ZCCHC7: variants seen among roughly 807,000 people sequenced by gnomAD.
ZCCHC7 encodes zinc finger CCHC domain-containing protein 7.
In ZCCHC7, 35 loss-of-function variants were observed where a neutral mutation model predicts 52.0. The observed-to-expected ratio is 0.67, with a 90% CI of 0.51 to 0.89. ZCCHC7 has a LOEUF of 0.89. Ranked by LOEUF, ZCCHC7 falls within the 40% of genes least tolerant of loss-of-function variation. The pLI is 0.00. For missense variants in ZCCHC7, 574 were observed against 649.1 expected (o/e 0.88, Z 1.26); for synonymous variants, 217 against 221.5 (o/e 0.98, Z 0.18).
At chr9:37,257,984 G>T (rs1826670641) in intron 2 of ZCCHC7, among the ~76,000 whole-genome samples, 1 of 152,250 alleles carries the variant, frequency 6.6e-6, no homozygotes, top group East Asian at 1.9e-4. Flanking sequence ...GGTATAGCTG[G>T]TCCTAAAATT....
At chr9:37,218,465 CT>C (rs946590631) in intron 2 of ZCCHC7, among the ~76,000 whole-genome samples, 15 of 152,156 alleles carry the variant, frequency 9.9e-5, no homozygotes, top group African/African-American at 3.4e-4. Context: ...TCATTCCCCC[CT>C]GTGTTTATTT....
rs753692695 is a variant in ZCCHC7 at position 37,305,708 on chromosome 9, T to C, written c.945T>C (p.Tyr315=). The change falls in exon 5 of 9, where the codon TAT becomes TAC. Residue 315 remains tyrosine, a synonymous_variant. Transcript: ENST00000336755. The part of the protein sequence containing the change: ...QCDRCHMLGH[Y]TDACTEIWRQ... The stretch of plus-strand genomic sequence containing the variant: ...ACCGATGTCATATGCTAGGCCACTA[T>C]ACAGATGTGAGTATCCTGCATATAA... The C allele has an allele frequency of 6.2e-7, 1 of 1,614,084 alleles. No homozygotes were observed. The highest frequency in any genetic ancestry group is 1.1e-5 in the South Asian group (1 of 91,080).
intron 2 of ZCCHC7, among the ~76,000 whole-genome samples, chr9:37,172,520 TA>T (rs547159433): frequency 0.011 from 1,633 of 152,346 alleles, 23 homozygotes; most frequent in Non-Finnish European, 0.019. Flanking sequence ...CATTTCTTCT[TA>T]AAAATTTGAA....
chr9:37,229,233 A>T (rs1825278902), intron 2 of ZCCHC7, among the ~76,000 whole-genome samples: 1 of 152,238 alleles, frequency 6.6e-6, no homozygotes, highest in Admixed American at 6.5e-5. Flanking sequence ...ACAGGGGAGT[A>T]GTTAATTCAG....
intron 2 of ZCCHC7, among the ~76,000 whole-genome samples, chr9:37,297,540 G>A (rs1828843488): frequency 6.6e-6 from 1 of 152,058 alleles, no homozygotes; most frequent in Admixed American, 6.5e-5. Context: ...CCTACCTTTT[G>A]GTGAAATATA....
In ZCCHC7 at chr9:37,349,338, A is replaced by T; in HGVS notation, c.988-19A>T. On this transcript the variant is annotated intron_variant, in intron 6 of 8. Transcript: ENST00000336755. ...TTTCTTCTAACATCAACAAACCCTCACAAATATTCATGTTGCAGACCAAAC... is the reference window on the plus strand; with the variant it reads ...TTTCTTCTAACATCAACAAACCCTCTCAAATATTCATGTTGCAGACCAAAC... The T allele has an allele frequency of 6.2e-7, 1 of 1,611,898 alleles. No individual in the cohort carries two copies. Among genetic ancestry groups the T allele is most frequent in the Non-Finnish European group, 8.5e-7 (1 of 1,178,810 alleles).
At chr9:37,267,783 A>G (rs1827187493) in intron 2 of ZCCHC7, among the ~76,000 whole-genome samples, 1 of 151,688 alleles carries the variant, frequency 6.6e-6, no homozygotes, top group South Asian at 2.1e-4. Context: ...GTTAGCCAGG[A>G]TGGTCTCGAT....
intron 2 of ZCCHC7, among the ~76,000 whole-genome samples, chr9:37,146,255 G>GA: frequency 6.6e-6 from 1 of 151,942 alleles, no homozygotes; most frequent in South Asian, 2.1e-4. Context: ...CAATAGTTAT[G>GA]AAGCTTACAG....
At chr9:37,185,884 A>AT (rs1271455177) in intron 2 of ZCCHC7, among the ~76,000 whole-genome samples, 1 of 152,158 alleles carries the variant, frequency 6.6e-6, no homozygotes, top group Admixed American at 6.5e-5. Flanking sequence ...AGGGGACACT[A>AT]TTTGATGCAC....
chr9:37,207,311 G>C (rs1192069338), intron 2 of ZCCHC7, among the ~76,000 whole-genome samples: 1 of 151,814 alleles, frequency 6.6e-6, no homozygotes, highest in East Asian at 1.9e-4. Context: ...CTGTGTTCTG[G>C]CATTTATTAT....
chr9:37,233,598 A>T (rs749891717), intron 2 of ZCCHC7, among the ~76,000 whole-genome samples: 6 of 152,122 alleles, frequency 3.9e-5, no homozygotes, highest in Non-Finnish European at 8.8e-5. Flanking sequence ...ATCTTTCCTC[A>T]CCTTGTTTAG....
In ZCCHC7 at chr9:37,304,427, G is replaced by A. The variant is rs1829202081; in HGVS notation, c.780+114G>A. 3.9e-6 allele frequency: 5 copies of A among 1,288,462 alleles called. No homozygotes were observed. In the South Asian group the frequency reaches 7.1e-5, roughly 18 times the overall value. 79.8% of individuals were successfully genotyped at this position (1,288,462 alleles called of 1,614,324 possible). A position where few individuals can be genotyped will look rare whatever the true frequency, so the allele number is the denominator to read the frequency against. On this transcript the variant is annotated intron_variant, in intron 4 of 8. Transcript: ENST00000336755. Reference sequence around the variant, plus strand: ...CCAGCACTTTGGGAAGCCGAGGCAGGTGGATCATGAGGTCAGGAGATTGAG... The same window carrying A: ...CCAGCACTTTGGGAAGCCGAGGCAGATGGATCATGAGGTCAGGAGATTGAG...
At chr9:37,303,655 C>CTTTTTTTTTTTTTTTTTTTTTT (rs74182940) in intron 3 of ZCCHC7, among the ~76,000 whole-genome samples, 1 of 56,750 alleles carries the variant, frequency 1.8e-5, no homozygotes, top group Non-Finnish European at 3.0e-5. Context: ...TTTTCTACCT[C>CTTTTTTTTTTTTTTTTTTTTTT]TTTTTTTTTT....
At chr9:37,266,949 A>C (rs1400291174) in intron 2 of ZCCHC7, among the ~76,000 whole-genome samples, 1 of 152,230 alleles carries the variant, frequency 6.6e-6, no homozygotes, top group Non-Finnish European at 1.5e-5. Context: ...TTTCCCATGC[A>C]TACTGAATTT....
intron 2 of ZCCHC7, among the ~76,000 whole-genome samples, chr9:37,222,342 T>A (rs1391882922): frequency 6.8e-6 from 1 of 147,998 alleles, no homozygotes; most frequent in African/African-American, 2.5e-5. Flanking sequence ...TGTGTGTGTG[T>A]GTGTGTGTGT....
intron 2 of ZCCHC7, among the ~76,000 whole-genome samples, chr9:37,275,304 AT>A (rs1163448922): frequency 7.9e-6 from 1 of 127,362 alleles, no homozygotes; most frequent in East Asian, 2.3e-4. Context: ...CCTAATCTAT[AT>A]TGTCTAGTTT....
At chr9:37,316,545 G>A (rs534661049) in intron 5 of ZCCHC7, among the ~76,000 whole-genome samples, 501 of 151,166 alleles carry the variant, frequency 3.3e-3, no homozygotes, top group Non-Finnish European at 5.2e-3. Context: ...GGCTGGTCTC[G>A]AACTCCTAAC....
At chr9:37,328,936 A>C (rs1472239887) in intron 6 of ZCCHC7, among the ~76,000 whole-genome samples, 1 of 151,958 alleles carries the variant, frequency 6.6e-6, no homozygotes, top group Non-Finnish European at 1.5e-5. Flanking sequence ...TTAAAAACTT[A>C]AGTGTTATAC....
intron 6 of ZCCHC7, among the ~76,000 whole-genome samples, chr9:37,328,297 G>T (rs765039387): frequency 6.6e-6 from 1 of 151,984 alleles, no homozygotes; most frequent in Non-Finnish European, 1.5e-5. Context: ...TAATTCAACT[G>T]TCATATCCTT....
Sources: allele counts gnomAD v4.1 joint callset (sites outside exome capture counted in the v4.1 genomes callset), GRCh38; gene constraint gnomAD v4.1.1; transcripts MANE v1.5; gene names NCBI Gene and HGNC (gene_info 2026-07-23, HGNC 2026-07-21).